The following ZCWPW2 variants were observed in gnomAD, a reference collection of about 807,000 sequenced individuals.
ZCWPW2 encodes zinc finger CW-type PWWP domain protein 2.
ZCWPW2 carries 45 observed loss-of-function variants against 46.6 expected under a neutral mutation model. The observed-to-expected ratio is 0.96, with a 90% CI of 0.76 to 1.24. ZCWPW2 has a LOEUF of 1.24. Ranked by LOEUF, ZCWPW2 falls within the 50% of genes most tolerant of loss-of-function variation. The pLI, the probability that ZCWPW2 is intolerant of heterozygous loss-of-function variation, is 0.00. For missense variants in ZCWPW2, 429 were observed against 403.9 expected (o/e 1.06, Z -0.53); for synonymous variants, 152 against 137.1 (o/e 1.11, Z -0.76).
intron 8 of ZCWPW2, 116 bp downstream of exon 8, chr3:28,515,737 G>A: frequency 3.8e-6 from 3 of 799,760 alleles, no homozygotes; most frequent in Non-Finnish European, 5.8e-6. Flanking sequence ...GTGTGTGTGT[G>A]TGTGTGTGTA....
At chr3:28,352,128 A>G (rs1268364880) in intron 1 of ZCWPW2, among the ~76,000 whole-genome samples, 18 of 108,968 alleles carry the variant, frequency 1.7e-4, no homozygotes, top group South Asian at 3.0e-4. Context: ...AGATGTATGC[A>G]CACACACACA....
chr3:28,474,546 T>C (rs1221353806), intron 4 of ZCWPW2, among the ~76,000 whole-genome samples: 1 of 151,912 alleles, frequency 6.6e-6, no homozygotes, highest in Non-Finnish European at 1.5e-5. Context: ...TTTCTCATTC[T>C]TTCAGTTCTC....
intron 3 of ZCWPW2, among the ~76,000 whole-genome samples, chr3:28,434,756 T>C (rs1697413903): frequency 6.6e-6 from 1 of 152,214 alleles, no homozygotes; most frequent in Admixed American, 6.5e-5. Context: ...GATTTAGAGT[T>C]AATTCAGCTC....
chr3:28,367,823 G>T (rs768299736), intron 1 of ZCWPW2, among the ~76,000 whole-genome samples: 3 of 152,120 alleles, frequency 2.0e-5, no homozygotes, highest in Non-Finnish European at 2.9e-5. Context: ...ATGAATCTGG[G>T]TGCTCCTGTA....
intron 2 of ZCWPW2, among the ~76,000 whole-genome samples, chr3:28,401,803 A>G (rs1695950004): frequency 6.6e-6 from 1 of 152,132 alleles, no homozygotes; most frequent in Non-Finnish European, 1.5e-5. Flanking sequence ...TGGAAATTAA[A>G]TAACCTGCTC....
At chr3:28,383,377 T>C (rs1403076299) in intron 1 of ZCWPW2, among the ~76,000 whole-genome samples, 1 of 152,086 alleles carries the variant, frequency 6.6e-6, no homozygotes, top group Non-Finnish European at 1.5e-5. Flanking sequence ...TGGATTACAT[T>C]TCTTGTTATC....
chr3:28,400,473 C>T (rs1695875920), intron 2 of ZCWPW2, among the ~76,000 whole-genome samples: 1 of 152,148 alleles, frequency 6.6e-6, no homozygotes. Flanking sequence ...AGATCATCGC[C>T]TAGGCACATA....
At chr3:28,381,718 C>G (rs530202889) in intron 1 of ZCWPW2, among the ~76,000 whole-genome samples, 1 of 151,992 alleles carries the variant, frequency 6.6e-6, no homozygotes, top group Admixed American at 6.6e-5. Flanking sequence ...TCCAGGAGTT[C>G]GAGGCTGCAG....
intron 1 of ZCWPW2, among the ~76,000 whole-genome samples, chr3:28,376,912 T>C (rs1705517010): frequency 6.6e-6 from 1 of 152,168 alleles, no homozygotes; most frequent in Non-Finnish European, 1.5e-5. Context: ...GCTTTCTTTA[T>C]TTAACAATAT....
chr3:28,378,729 A>G (rs1023077119), intron 1 of ZCWPW2, among the ~76,000 whole-genome samples: 34 of 152,140 alleles, frequency 2.2e-4, no homozygotes, highest in African/African-American at 7.9e-4. Flanking sequence ...TGAAGTTTAT[A>G]TTTTTTTCAT....
At chr3:28,436,017 A>G (rs960298009) in intron 4 of ZCWPW2, among the ~76,000 whole-genome samples, 2 of 152,008 alleles carry the variant, frequency 1.3e-5, no homozygotes, top group African/African-American at 4.8e-5. Context: ...TATCTTTTTG[A>G]CTCTTTTTAA....
intron 1 of ZCWPW2, among the ~76,000 whole-genome samples, chr3:28,367,381 T>G (rs1407704512): frequency 2.0e-5 from 3 of 152,256 alleles, no homozygotes; most frequent in African/African-American, 7.2e-5. Flanking sequence ...CATCTTTACT[T>G]CTGCCTTCAT....
intron 6 of ZCWPW2, among the ~76,000 whole-genome samples, chr3:28,499,270 T>C (rs1237409312): frequency 6.6e-6 from 1 of 152,188 alleles, no homozygotes; most frequent in African/African-American, 2.4e-5. Context: ...ACCAACAGTG[T>C]AAAAGCGTTC....
chr3:28,388,622 CAA>C (rs1458260358), intron 1 of ZCWPW2, among the ~76,000 whole-genome samples: 1 of 152,012 alleles, frequency 6.6e-6, no homozygotes, highest in Non-Finnish European at 1.5e-5. Flanking sequence ...GGGAAGAAAA[CAA>C]AGATATTTGG....
At chr3:28,447,730 C>A in intron 4 of ZCWPW2, 1 of 605,694 alleles carries the variant, frequency 1.7e-6, no homozygotes, top group South Asian at 1.5e-5. Flanking sequence ...TCAGAATGGT[C>A]CAGCATTTGA....
chr3:28,355,109 G>A (rs1051123711), intron 1 of ZCWPW2, among the ~76,000 whole-genome samples: 7 of 152,122 alleles, frequency 4.6e-5, no homozygotes, highest in Admixed American at 1.3e-4. Context: ...AAACCCTATC[G>A]TCTCAGCCCA....
chr3:28,420,296 A>G (rs965927157), intron 3 of ZCWPW2, among the ~76,000 whole-genome samples: 1 of 151,710 alleles, frequency 6.6e-6, no homozygotes, highest in African/African-American at 2.4e-5. Flanking sequence ...ATTTCCCTCT[A>G]CACACTGCTT....
chr3:28,395,791 C>G (rs1182452543), intron 2 of ZCWPW2, among the ~76,000 whole-genome samples: 1 of 152,046 alleles, frequency 6.6e-6, no homozygotes, highest in East Asian at 1.9e-4. Flanking sequence ...TACAAACTTG[C>G]ACTTATAAAA....
In ZCWPW2 at chr3:28,524,768, T is replaced by C; in HGVS notation, c.*80T>C. 3.4e-6 allele frequency: 4 copies of C among 1,184,006 alleles called. No homozygotes were observed. The highest frequency in any genetic ancestry group is 4.5e-6 in the Non-Finnish European group (4 of 895,916). 73.3% of individuals were successfully genotyped at this position (1,184,006 alleles called of 1,614,324 possible). A position where few individuals can be genotyped will look rare whatever the true frequency, so the allele number is the denominator to read the frequency against. On this transcript the variant is annotated 3_prime_UTR_variant, in exon 10 of 10. Coordinates refer to ENST00000383768, the MANE Select transcript of ZCWPW2 (RefSeq NM_001040432.4). ...CCAAAGTTAAAACTTTAAAAATGTT[T>C]AGTGAAATAGGTATAAATTATACCA...
Sources: gnomAD v4.1 joint callset for allele counts (sites outside exome capture counted in the v4.1 genomes callset) on GRCh38, gnomAD v4.1.1 for gene constraint, MANE v1.5 for transcripts, NCBI Gene and HGNC (gene_info 2026-07-23, HGNC 2026-07-21) for gene names.